STAB2: variants seen among roughly 807,000 people sequenced by gnomAD.
The protein encoded by STAB2 is stabilin-2.
In STAB2, 288 loss-of-function variants were observed where a neutral mutation model predicts 338.1. The observed-to-expected ratio is 0.85, with a 90% CI of 0.77 to 0.94. The LOEUF (loss-of-function observed/expected upper bound fraction) is 0.94. Ranked by LOEUF, STAB2 falls within the 40% of genes least tolerant of loss-of-function variation. The pLI is 0.00. For missense variants in STAB2, 3,141 were observed against 3,210.1 expected (o/e 0.98, Z 0.52); for synonymous variants, 1,202 against 1,193.3 (o/e 1.01, Z -0.15).
chr12:103,754,504 T>C (rs1883941431), intron 61 of STAB2, among the ~76,000 whole-genome samples: 1 of 152,054 alleles, frequency 6.6e-6, no homozygotes, highest in Admixed American at 6.6e-5. Flanking sequence ...CATGAAAAAC[T>C]CTTGCAAGAG....
chr12:103,734,419 A>G (rs1231582105), intron 51 of STAB2, among the ~76,000 whole-genome samples: 1 of 151,600 alleles, frequency 6.6e-6, no homozygotes, highest in African/African-American at 2.4e-5. Context: ...GCATGATCAC[A>G]TGGGAGCATG....
chr12:103,739,527 CTGTGTGTGTG>C (rs35471201), intron 54 of STAB2, 59 bp downstream of exon 54: 24,682 of 672,834 alleles, frequency 0.037, 227 homozygotes, highest in Admixed American at 0.048. Context: ...ATTATCAGAC[CTGTGTGTGTG>C]TGTGTGTGTG....
At chr12:103,589,765 A>G (rs10778266) in intron 1 of STAB2, among the ~76,000 whole-genome samples, 10,564 of 152,230 alleles carry the variant, frequency 0.069, 385 homozygotes, top group Non-Finnish European at 0.081. Flanking sequence ...TAGGAGAGGA[A>G]ACAGGCACAA....
rs1169722912 is a variant in STAB2, at chr12:103,660,329, A to G, written c.1735-2A>G. ...CTAAAGAAGTATTTGGTTCCTTTGC[A>G]GGGATCTCGGAAGCTTCTGGAACTC... On this transcript the variant is annotated splice_acceptor_variant, in intron 15 of 68. Coordinates refer to ENST00000388887, the MANE Select transcript of STAB2 (RefSeq NM_017564.10). LOFTEE classifies it high-confidence loss of function. 2.9e-5 allele frequency: 46 copies of G among 1,614,020 alleles called. No individual in the cohort carries two copies. The highest frequency in any genetic ancestry group is 5.3e-5 in the African/African-American group (4 of 74,914).
intron 3 of STAB2, among the ~76,000 whole-genome samples, chr12:103,594,955 G>A (rs1204367981): frequency 6.7e-6 from 1 of 150,318 alleles, no homozygotes; most frequent in Admixed American, 6.7e-5. Context: ...ACTTTCAAGT[G>A]GTAGATTTAA....
chr12:103,597,404 A>T (rs1348928165), intron 3 of STAB2, among the ~76,000 whole-genome samples: 2 of 152,208 alleles, frequency 1.3e-5, no homozygotes, highest in Non-Finnish European at 2.9e-5. Context: ...AAATACATTC[A>T]TATGTAACAC....
At chr12:103,741,576 C>T (rs1882587876) in intron 55 of STAB2, among the ~76,000 whole-genome samples, 1 of 152,178 alleles carries the variant, frequency 6.6e-6, no homozygotes, top group Admixed American at 6.5e-5. Context: ...ACCTCAGCCT[C>T]TCAAGTAGCT....
chr12:103,670,816 C>T lies in STAB2; in HGVS notation c.2371+9C>T. 1.2e-6 allele frequency: 2 copies of T among 1,607,654 alleles called. No homozygotes were observed. Among genetic ancestry groups the T allele is most frequent in the Non-Finnish European group, 1.7e-6 (2 of 1,175,244 alleles). ...ACCTCGGTGTAACAAAAGTAAGTGG[C>T]ACTTCCAGAGCTTCCTTCCACTCCT... is the stretch of plus-strand genomic sequence containing the variant. On this transcript the variant is annotated intron_variant, in intron 22 of 68. Transcript: ENST00000388887.
chr12:103,717,824 A>T lies in STAB2; in HGVS notation c.4666A>T (p.Ile1556Phe). The change falls in exon 44 of 69, where the codon ATC becomes TTC. Residue 1556 changes from isoleucine to phenylalanine, a missense_variant. Physicochemically the swap from Ile to Phe is conservative, Grantham distance 21 (BLOSUM62 0). Coordinates refer to ENST00000388887, the MANE Select transcript of STAB2 (RefSeq NM_017564.10). The stretch of plus-strand genomic sequence containing the variant: ...TGGAGATGGAAAGGTCTGCACACTC[A>T]TCAATGTCTGCTTAACTGTGAGTAT... ...YTGDGKVCTLINVCLTKNGGC... is the reference protein window; with the variant it reads ...YTGDGKVCTLFNVCLTKNGGC... 2 of 1,614,072 alleles carry T rather than the reference A, an allele frequency of 1.2e-6. No homozygotes were observed. The highest frequency in any genetic ancestry group is 8.5e-7 in the Non-Finnish European group (1 of 1,179,988).
intron 58 of STAB2, 144 bp downstream of exon 58, chr12:103,746,848 T>G (rs1883079677): frequency 8.0e-6 from 6 of 750,974 alleles, no homozygotes; most frequent in African/African-American, 5.2e-5. Flanking sequence ...ACTCAGTTTC[T>G]TTAATGGGTG....
intron 68 of STAB2, among the ~76,000 whole-genome samples, chr12:103,765,116 G>A (rs1378724870): frequency 2.0e-5 from 3 of 148,208 alleles, no homozygotes; most frequent in African/African-American, 7.5e-5. Flanking sequence ...AAAAAAGGGA[G>A]GTGGTAAGTT....
intron 57 of STAB2, 82 bp from the exon 58 acceptor site, chr12:103,746,515 G>C: frequency 2.3e-6 from 3 of 1,313,774 alleles, no homozygotes; most frequent in Non-Finnish European, 1.1e-6. Flanking sequence ...GTCGTCCAGA[G>C]AGAGTCTTGG....
Position 103,693,988 on chromosome 12 carries a change from T to TAA in STAB2, c.3375+1113_3375+1114dup, listed in dbSNP as rs540825862. Among the ~76,000 whole-genome samples the TAA allele has an allele frequency of 8.6e-3, 1,174 of 136,360 alleles. 13 individuals are homozygous for TAA. The highest frequency in any genetic ancestry group is 0.028 in the African/African-American group (1,069 of 37,594). 89.5% of individuals were successfully genotyped at this position (136,360 alleles called of 152,430 possible). ...CAACATGGTGAAGCCCCCTCTCTAC[T>TAA]AAAAAAAAAAAAAAAGTACAAGATG... On this transcript the variant is annotated intron_variant, in intron 31 of 68. Transcript: ENST00000388887.
intron 4 of STAB2, 25 bp from the exon 5 acceptor site, chr12:103,622,017 G>A: frequency 6.2e-7 from 1 of 1,613,908 alleles, no homozygotes; most frequent in African/African-American, 1.3e-5. Flanking sequence ...TGGGTCTAAT[G>A]TCAACCACCT....
intron 50 of STAB2, among the ~76,000 whole-genome samples, chr12:103,732,205 A>C (rs1247253449): frequency 6.6e-6 from 1 of 152,176 alleles, no homozygotes; most frequent in African/African-American, 2.4e-5. Flanking sequence ...GCTACTTAGG[A>C]GGGTGAGGCA....
intron 28 of STAB2, among the ~76,000 whole-genome samples, chr12:103,688,812 T>G (rs1174701738): frequency 6.6e-6 from 1 of 152,204 alleles, no homozygotes; most frequent in African/African-American, 2.4e-5. Context: ...ATCTAGACTC[T>G]TCATTCTTGG....
intron 5 of STAB2, among the ~76,000 whole-genome samples, chr12:103,624,781 T>A (rs939477289): frequency 6.6e-6 from 1 of 151,846 alleles, no homozygotes; most frequent in African/African-American, 2.4e-5. Flanking sequence ...CTACTAAAAA[T>A]ACAAAAATTA....
chr12:103,674,010 G>T lies in STAB2; in HGVS notation c.2475G>T (p.Lys825Asn). 1 of 1,614,118 alleles carries T rather than the reference G, an allele frequency of 6.2e-7. No homozygotes were observed. Among genetic ancestry groups the T allele is most frequent in the Non-Finnish European group, 8.5e-7 (1 of 1,180,030 alleles). ...RDGSAGRLCD[K>N]QTSACGPYVQ... Reference sequence around the variant, plus strand: ...GCTCTGCCGGGAGACTCTGTGATAAGCAGACCTCAGCCTGTGGGCCCTACG... The same window carrying T: ...GCTCTGCCGGGAGACTCTGTGATAATCAGACCTCAGCCTGTGGGCCCTACG... The change falls in exon 23 of 69, where the codon AAG (lysine) becomes AAT (asparagine). Residue 825 changes from lysine to asparagine, a missense_variant. Physicochemically the swap from Lys to Asn is moderately conservative, Grantham distance 94. Coordinates refer to ENST00000388887, the MANE Select transcript of STAB2 (RefSeq NM_017564.10).
intron 40 of STAB2, 67 bp downstream of exon 40, chr12:103,711,583 A>G: frequency 6.4e-7 from 1 of 1,560,136 alleles, no homozygotes; most frequent in African/African-American, 1.4e-5. Flanking sequence ...TGTCTACCCT[A>G]GTCTCTATCC....
Sources: gnomAD v4.1 joint callset for allele counts (sites outside exome capture counted in the v4.1 genomes callset) on GRCh38, gnomAD v4.1.1 for gene constraint, MANE v1.5 for transcripts, NCBI Gene and HGNC (gene_info 2026-07-23, HGNC 2026-07-21) for gene names.